GRM7: variants seen among roughly 807,000 people sequenced by gnomAD.
The protein encoded by GRM7 is glutamate metabotropic receptor 7.
GRM7 carries 35 observed loss-of-function variants against 84.5 expected under a neutral mutation model. The ratio of observed to expected loss-of-function variants is 0.41; its 90% CI spans 0.32 to 0.55. The LOEUF (loss-of-function observed/expected upper bound fraction) is 0.55, where lower values mean the gene tolerates loss of function less well. GRM7 is among the 20% of genes least tolerant of loss of function. The probability of loss-of-function intolerance (pLI) is 0.19; values close to 1 mark genes in which losing one functional copy is unlikely to be tolerated. For missense variants in GRM7, 1,003 were observed against 1,194.6 expected, an observed-to-expected ratio of 0.84 and a Z score of 2.36; for synonymous variants, 487 against 455.1, an observed-to-expected ratio of 1.07 and a Z score of -0.89.
chr3:7,095,166 C>G (rs1004018058), intron 1 of GRM7, among the ~76,000 whole-genome samples: 8 of 152,106 alleles, frequency 5.3e-5, no homozygotes, highest in Admixed American at 5.2e-4. Context: ...GGACTTTTCA[C>G]TTTCAACATA....
rs143583973 is a variant in GRM7, at chr3:7,733,674, G to A, written c.2699-6683G>A. Among the ~76,000 whole-genome samples the A allele has an allele frequency of 3.2e-3, 483 of 152,254 alleles. 3 individuals carry two copies. Among genetic ancestry groups the A allele is most frequent in the African/African-American group, 0.011 (452 of 41,556 alleles). On this transcript the variant is annotated intron_variant, in intron 9 of 9. Transcript: ENST00000357716. ...TCCCTATTCAAGATGGAGTTGCCCT[G>A]GTTCAAATGCCTCTGACACTACCCT...
intron 1 of GRM7, among the ~76,000 whole-genome samples, chr3:7,070,033 A>C (rs940646099): frequency 6.6e-6 from 1 of 152,142 alleles, no homozygotes; most frequent in Non-Finnish European, 1.5e-5. Context: ...CAGATGGATG[A>C]GGTGGAGGAA....
chr3:7,721,976 T>A (rs1701965750), intron 9 of GRM7, among the ~76,000 whole-genome samples: 1 of 152,188 alleles, frequency 6.6e-6, no homozygotes, highest in South Asian at 2.1e-4. Flanking sequence ...GAAGTGGAAA[T>A]ATGTTGACAA....
intron 1 of GRM7, among the ~76,000 whole-genome samples, chr3:6,896,936 A>T (rs1696204506): frequency 6.6e-6 from 1 of 152,158 alleles, no homozygotes; most frequent in South Asian, 2.1e-4. Context: ...GCTCTATTAC[A>T]ACAGCTATCA....
chr3:7,060,003 T>C lies in GRM7; in HGVS notation c.520-86449T>C, dbSNP rs906220896. Among the ~76,000 whole-genome samples, 12 of 151,932 alleles carry C rather than the reference T, an allele frequency of 7.9e-5. 1 individual carries two copies. The highest frequency in any genetic ancestry group is 3.9e-4 in the Admixed American group (6 of 15,208). On this transcript the variant is annotated intron_variant, in intron 1 of 9. Coordinates refer to ENST00000357716, the MANE Select transcript of GRM7 (RefSeq NM_000844.4). ...TTAGAATGGAGTAGAGTATACATAT[T>C]CCAGGCGAAGTCCAAAGGCTATTCC...
chr3:7,082,161 G>A (rs1381000210), intron 1 of GRM7, among the ~76,000 whole-genome samples: 1 of 152,066 alleles, frequency 6.6e-6, no homozygotes, highest in Non-Finnish European at 1.5e-5. Flanking sequence ...GACTTTTGTA[G>A]GTATAGAGAA....
intron 2 of GRM7, among the ~76,000 whole-genome samples, chr3:7,200,791 A>C (rs978617505): frequency 1.3e-5 from 2 of 152,084 alleles, no homozygotes; most frequent in Non-Finnish European, 2.9e-5. Context: ...AATGCATCTC[A>C]AGTGACTGCA....
chr3:7,509,837 T>A (rs540788280), intron 7 of GRM7, among the ~76,000 whole-genome samples: 1 of 89,170 alleles, frequency 1.1e-5, no homozygotes, highest in African/African-American at 4.2e-5. Flanking sequence ...TATCAGGGGA[T>A]TGAAAAAATA....
chr3:7,636,447 C>T (rs17047754), intron 8 of GRM7: 84,306 of 349,310 alleles, frequency 0.24, 10,569 homozygotes, highest in Middle Eastern at 0.35. Flanking sequence ...ACAAGAACAT[C>T]GGTTGAGAAT....
At chr3:7,231,943 G>A (rs868619227) in intron 2 of GRM7, among the ~76,000 whole-genome samples, 14 of 152,344 alleles carry the variant, frequency 9.2e-5, no homozygotes, top group Admixed American at 3.3e-4. Context: ...CCCATGGGAA[G>A]CTGCTGAGGG....
chr3:6,989,326 A>G (rs1694546419), intron 1 of GRM7, among the ~76,000 whole-genome samples: 1 of 152,254 alleles, frequency 6.6e-6, no homozygotes, highest in Admixed American at 6.5e-5. Context: ...TAAAAGATCC[A>G]TAAAATCTGC....
chr3:7,311,493 G>C (rs993199969), intron 4 of GRM7, among the ~76,000 whole-genome samples: 1 of 152,050 alleles, frequency 6.6e-6, no homozygotes, highest in African/African-American at 2.4e-5. Flanking sequence ...TCTCACCCAT[G>C]TAAAGTCTTC....
At chr3:7,000,202 C>T (rs60786623) in intron 1 of GRM7, among the ~76,000 whole-genome samples, 26,414 of 142,876 alleles carry the variant, frequency 0.18, 2,444 homozygotes, top group East Asian at 0.25. Flanking sequence ...GACAGAATTC[C>T]GCTCTGTCAC....
chr3:6,955,883 T>C (rs1275454437), intron 1 of GRM7, among the ~76,000 whole-genome samples: 1 of 151,364 alleles, frequency 6.6e-6, no homozygotes, highest in Non-Finnish European at 1.5e-5. Context: ...CCTGAAAGAA[T>C]GTGACCGTTG....
intron 7 of GRM7, among the ~76,000 whole-genome samples, chr3:7,566,803 G>GA (rs955388704): frequency 6.6e-5 from 10 of 150,884 alleles, no homozygotes; most frequent in African/African-American, 1.5e-4. Context: ...CTTCCAGGGG[G>GA]AAAAAAAAAA....
At chr3:6,993,648 G>A (rs1694727790) in intron 1 of GRM7, among the ~76,000 whole-genome samples, 1 of 152,156 alleles carries the variant, frequency 6.6e-6, no homozygotes, top group African/African-American at 2.4e-5. Context: ...AGGTGGTAGA[G>A]ACTCTATTCA....
intron 8 of GRM7, among the ~76,000 whole-genome samples, chr3:7,610,391 G>C (rs961304651): frequency 6.6e-6 from 1 of 152,140 alleles, no homozygotes; most frequent in African/African-American, 2.4e-5. Context: ...ATTGGTTCCA[G>C]ACTAGTTAAA....
intron 9 of GRM7, among the ~76,000 whole-genome samples, chr3:7,692,974 T>C (rs909361462): frequency 7.3e-5 from 11 of 151,440 alleles, no homozygotes; most frequent in Non-Finnish European, 1.5e-4. Context: ...TCTTTCTTTC[T>C]TTCTTTTTTT....
intron 7 of GRM7, among the ~76,000 whole-genome samples, chr3:7,569,294 C>G (rs764797137): frequency 6.6e-6 from 1 of 152,116 alleles, no homozygotes; most frequent in Non-Finnish European, 1.5e-5. Context: ...TACCCTATGT[C>G]TAGCTCAGGG....
Sources: gnomAD v4.1 joint callset for allele counts (sites outside exome capture counted in the v4.1 genomes callset) on GRCh38, gnomAD v4.1.1 for gene constraint, MANE v1.5 for transcripts, NCBI Gene and HGNC (gene_info 2026-07-23, HGNC 2026-07-21) for gene names.